The following NAV3 variants were observed in gnomAD, a reference collection of about 807,000 sequenced individuals.
The protein encoded by NAV3 is neuron navigator 3, also known as pore membrane and/or filament interacting like protein 1.
NAV3 carries 87 observed loss-of-function variants against 244.7 expected under a neutral mutation model. That is an observed-to-expected ratio of 0.36 (90% CI 0.30 to 0.42). The LOEUF is 0.42. NAV3 is among the 20% of genes least tolerant of loss of function. The probability of loss-of-function intolerance (pLI) is 1.00; values close to 1 mark genes in which losing one functional copy is unlikely to be tolerated. For synonymous variants in NAV3, 1,126 were observed against 1,042.2 expected (o/e 1.08, Z -1.55); for missense variants, 2,663 against 2,893.3 (o/e 0.92, Z 1.83).
chr12:77,864,169 C>T (rs1485618313), intron 1 of NAV3, among the ~76,000 whole-genome samples: 3 of 151,986 alleles, frequency 2.0e-5, no homozygotes, highest in South Asian at 4.1e-4. Flanking sequence ...CTTCTTCCTT[C>T]ACCCCTTATT....
chr12:77,855,585 C>T (rs1456137997), intron 1 of NAV3, among the ~76,000 whole-genome samples: 2 of 152,202 alleles, frequency 1.3e-5, no homozygotes, highest in East Asian at 3.9e-4. Context: ...TGAATCTGGA[C>T]TGGCCTTGGA....
At chr12:78,177,394 A>G in intron 27 of NAV3, 81 bp downstream of exon 27, 1 of 1,450,360 alleles carries the variant, frequency 6.9e-7, no homozygotes, top group South Asian at 1.3e-5. Context: ...TTCTAACCAT[A>G]TCTGTACCAA....
At chr12:78,062,312 A>C (rs937653056) in intron 12 of NAV3, among the ~76,000 whole-genome samples, 3 of 152,148 alleles carry the variant, frequency 2.0e-5, no homozygotes, top group Non-Finnish European at 4.4e-5. Flanking sequence ...CATATGAAAA[A>C]ATTTTTATAC....
chr12:77,702,537 C>A (rs1184151279), intron 2 of NAV3, among the ~76,000 whole-genome samples: 1 of 151,800 alleles, frequency 6.6e-6, no homozygotes, highest in African/African-American at 2.4e-5. Context: ...TTCTTTCCTG[C>A]TTTCTTTCAT....
rs148840322 is a variant in NAV3 at position 77,857,734 on chromosome 12, T to G, written c.243+26030T>G. Among the ~76,000 whole-genome samples the G allele has an allele frequency of 1.2e-3, 183 of 152,050 alleles. 1 individual carries two copies. The East Asian group carries it at 0.033, about 27-fold the overall frequency. ...ATATTTTAATATTCTTGTAAAAAAC[T>G]AATTAAATATCCATATATAAAATAA... On this transcript the variant is annotated intron_variant, in intron 1 of 39. Coordinates refer to ENST00000397909, the MANE Select transcript of NAV3 (RefSeq NM_001024383.2).
At chr12:78,199,654 T>TC (rs1959425324) in intron 37 of NAV3, 123 bp downstream of exon 37, 3 of 631,124 alleles carry the variant, frequency 4.8e-6, no homozygotes, top group African/African-American at 2.0e-5. Flanking sequence ...CAAAGATTTA[T>TC]TTTTTTCCCT....
intron 2 of NAV3, among the ~76,000 whole-genome samples, chr12:77,647,284 G>A (rs1469440219): frequency 1.3e-5 from 2 of 151,992 alleles, no homozygotes; most frequent in Admixed American, 1.3e-4. Context: ...AACATTTCTT[G>A]GTAAAAGGAG....
intron 18 of NAV3, among the ~76,000 whole-genome samples, chr12:78,132,453 A>G (rs1342020042): frequency 6.6e-6 from 1 of 152,144 alleles, no homozygotes; most frequent in Non-Finnish European, 1.5e-5. Context: ...CTTAAGTGAC[A>G]CTGCCCTCTT....
At chr12:77,759,763 A>ATT (rs5799342) in intron 2 of NAV3, among the ~76,000 whole-genome samples, 34 of 151,400 alleles carry the variant, frequency 2.2e-4, no homozygotes, top group African/African-American at 5.8e-4. Context: ...TCTGATTTTT[A>ATT]TTTTTTTTTA....
chr12:77,862,549 T>C lies in NAV3; in HGVS notation c.243+30845T>C, dbSNP rs188313481. Among the ~76,000 whole-genome samples the C allele has an allele frequency of 2.0e-3, 308 of 151,918 alleles. 3 individuals carry two copies. The highest frequency in any genetic ancestry group is 7.1e-3 in the African/African-American group (293 of 41,526). On this transcript the variant is annotated intron_variant, in intron 1 of 39. Coordinates refer to ENST00000397909, the MANE Select transcript of NAV3 (RefSeq NM_001024383.2). ...TTTGGCTTGATGTTTTGTTCTGAGA[T>C]GGAATGAAAGGAGAAAACGTTTATT...
intron 8 of NAV3, among the ~76,000 whole-genome samples, chr12:78,014,729 T>C (rs1184527494): frequency 6.6e-6 from 1 of 152,120 alleles, no homozygotes; most frequent in Non-Finnish European, 1.5e-5. Context: ...GCTAGTATAA[T>C]GAAGAGGAGG....
intron 12 of NAV3, among the ~76,000 whole-genome samples, chr12:78,101,971 A>T (rs955349253): frequency 1.3e-5 from 2 of 152,198 alleles, no homozygotes; most frequent in African/African-American, 4.8e-5. Flanking sequence ...TACCATAAAA[A>T]TGTGCGAAAA....
chr12:78,138,934 C>T (rs1410154625), intron 19 of NAV3, among the ~76,000 whole-genome samples: 1 of 152,036 alleles, frequency 6.6e-6, no homozygotes, highest in Admixed American at 6.6e-5. Context: ...TTATTGATAT[C>T]CTACCTAATG....
At chr12:77,716,424 G>C (rs994249875) in intron 2 of NAV3, among the ~76,000 whole-genome samples, 4 of 151,694 alleles carry the variant, frequency 2.6e-5, no homozygotes, top group African/African-American at 9.7e-5. Context: ...AATGGTACAA[G>C]TGGCATAATA....
intron 12 of NAV3, among the ~76,000 whole-genome samples, chr12:78,095,665 C>T (rs1449865434): frequency 6.6e-6 from 1 of 152,092 alleles, no homozygotes; most frequent in Admixed American, 6.5e-5. Context: ...AAGACAATGG[C>T]AACACAGATG....
chr12:77,794,163 T>A (rs772933336), intron 2 of NAV3, among the ~76,000 whole-genome samples: 2 of 152,348 alleles, frequency 1.3e-5, no homozygotes, highest in South Asian at 2.1e-4. Flanking sequence ...CACTTTTTGC[T>A]GGGGATGTTT....
intron 31 of NAV3, among the ~76,000 whole-genome samples, chr12:78,186,390 G>T (rs1158258040): frequency 6.6e-6 from 1 of 151,776 alleles, no homozygotes; most frequent in African/African-American, 2.4e-5. Flanking sequence ...TTAAAATAAA[G>T]TACTTAAGTT....
At chr12:77,815,115 A>G (rs1247757258) in intron 2 of NAV3, among the ~76,000 whole-genome samples, 1 of 152,214 alleles carries the variant, frequency 6.6e-6, no homozygotes, top group African/African-American at 2.4e-5. Context: ...TATTCACTAC[A>G]AGTCAGACAT....
chr12:77,995,200 CA>C (rs1250508363), intron 6 of NAV3, among the ~76,000 whole-genome samples: 1 of 152,134 alleles, frequency 6.6e-6, no homozygotes, highest in Non-Finnish European at 1.5e-5. Context: ...AGTTATACAA[CA>C]AAATTGTAAT....
Sources: gnomAD v4.1 joint callset for allele counts (sites outside exome capture counted in the v4.1 genomes callset) on GRCh38, gnomAD v4.1.1 for gene constraint, MANE v1.5 for transcripts, NCBI Gene and HGNC (gene_info 2026-07-23, HGNC 2026-07-21) for gene names.